Variants in RASA3 observed in about 807,000 individuals in gnomAD.
The protein encoded by RASA3 is RAS p21 protein activator 3.
A neutral mutation model predicts 110.0 loss-of-function variants in RASA3; 73 were observed. That is an observed-to-expected ratio of 0.66 (90% CI 0.55 to 0.81). The LOEUF is 0.81. Ranked by LOEUF, RASA3 falls within the 30% of genes least tolerant of loss-of-function variation. RASA3 has a pLI of 0.00. For synonymous variants in RASA3, 500 were observed against 451.4 expected, an observed-to-expected ratio of 1.11 and a Z score of -1.37; for missense variants, 976 against 1,113.2, an observed-to-expected ratio of 0.88 and a Z score of 1.75.
intron 18 of RASA3, 140 bp downstream of exon 18, chr13:114,007,393 T>A: frequency 1.5e-5 from 3 of 201,114 alleles, no homozygotes; most frequent in Non-Finnish European, 1.7e-5. Flanking sequence ...TCTCCCCTCC[T>A]GCCCTGCTGG....
chr13:114,040,602 C>T (rs1226033044), intron 4 of RASA3, among the ~76,000 whole-genome samples: 2 of 131,776 alleles, frequency 1.5e-5, no homozygotes, highest in Non-Finnish European at 3.2e-5. Context: ...AGCCCGCGCT[C>T]ACTCCGAGCA....
rs992627211 is a variant in RASA3 at position 114,132,604 on chromosome 13, C to T, written c.-115G>A. ...CCCCGAGCGCGGCCGAGGGTCCGCC[C>T]GCCTGCAAGACCGCCAGTTGGCCGA... On this transcript the variant is annotated 5_prime_UTR_variant, in exon 1 of 24. Transcript: ENST00000334062. 7.0e-6 allele frequency: 6 copies of T among 862,954 alleles called. No individual in the cohort carries two copies. The highest frequency in any genetic ancestry group is 1.8e-5 in the African/African-American group (1 of 55,712). 53.5% of individuals were successfully genotyped at this position (862,954 alleles called of 1,614,324 possible). A position where few individuals can be genotyped will look rare whatever the true frequency, so the allele number is the denominator to read the frequency against.
chr13:114,069,336 G>A (rs567553821), intron 2 of RASA3, among the ~76,000 whole-genome samples: 77 of 151,622 alleles, frequency 5.1e-4, no homozygotes, highest in African/African-American at 1.8e-3. Flanking sequence ...GCTCAGAGAT[G>A]CAGACGTGGG....
intron 23 of RASA3, among the ~76,000 whole-genome samples, chr13:113,981,435 G>A (rs563410907): frequency 1.3e-5 from 2 of 152,196 alleles, no homozygotes; most frequent in Non-Finnish European, 1.5e-5. Context: ...GAGGCAGCCC[G>A]GACGCTGGCT....
chr13:114,045,467 C>CTTG (rs1173425388), intron 3 of RASA3, among the ~76,000 whole-genome samples: 4 of 152,122 alleles, frequency 2.6e-5, no homozygotes, highest in Admixed American at 2.6e-4. Flanking sequence ...GGGGAAACAG[C>CTTG]CACAGGACAC....
chr13:114,053,505 G>A (rs549626503), intron 2 of RASA3, among the ~76,000 whole-genome samples: 4 of 152,262 alleles, frequency 2.6e-5, no homozygotes, highest in African/African-American at 9.6e-5. Flanking sequence ...AAAGATGTAA[G>A]TTATTCAAGG....
In RASA3 at chr13:114,061,785, C is replaced by T. The variant is rs146976115; in HGVS notation, c.174-9630G>A. Among the ~76,000 whole-genome samples the T allele has an allele frequency of 6.0e-4, 92 of 152,324 alleles. No individual in the cohort carries two copies. In the East Asian group the frequency reaches 0.018, roughly 29 times the overall value. On this transcript the variant is annotated intron_variant, in intron 2 of 23. Transcript: ENST00000334062. ...GCGAACTGCTCATTACAAAGCGTGG[C>T]AGGCTGCCTTCTCTCCAGAGGGTTT...
At chr13:114,118,326 C>A (rs1219883090) in intron 1 of RASA3, among the ~76,000 whole-genome samples, 1 of 152,132 alleles carries the variant, frequency 6.6e-6, no homozygotes, top group Non-Finnish European at 1.5e-5. Flanking sequence ...CAGCCAAGTG[C>A]CTGTGGGAGG....
chr13:113,980,146 CGT>C (rs748327437), intron 23 of RASA3, among the ~76,000 whole-genome samples: 155 of 142,034 alleles, frequency 1.1e-3, no homozygotes, highest in Middle Eastern at 3.9e-3. Context: ...CCTCCTGCCA[CGT>C]GTGTGCACAC....
intron 8 of RASA3, among the ~76,000 whole-genome samples, chr13:114,021,980 T>G (rs928821266): frequency 6.6e-6 from 1 of 152,062 alleles, no homozygotes; most frequent in South Asian, 2.1e-4. Flanking sequence ...CTGCTGCCAC[T>G]CTCAGCTCCA....
At chr13:114,013,288 A>G (rs2053681883) in intron 14 of RASA3, 40 bp from the exon 15 acceptor site, 1 of 1,519,480 alleles carries the variant, frequency 6.6e-7, no homozygotes, top group African/African-American at 1.4e-5. Flanking sequence ...TTCCTCGGGC[A>G]CAATGGCCTC....
intron 5 of RASA3, among the ~76,000 whole-genome samples, chr13:114,028,725 C>T (rs1316418695): frequency 1.7e-4 from 15 of 87,938 alleles, no homozygotes; most frequent in African/African-American, 5.4e-4. Context: ...GGGGCCAGGA[C>T]CTCTAAAACG....
chr13:114,067,198 C>T (rs1245256192), intron 2 of RASA3, among the ~76,000 whole-genome samples: 12 of 136,322 alleles, frequency 8.8e-5, no homozygotes, highest in African/African-American at 2.2e-4. Flanking sequence ...GGGCTGAGGA[C>T]GGGCCCCCCA....
In RASA3 at chr13:114,065,883, CTG is replaced by C. The variant is rs1288543633; in HGVS notation, c.173+7835_173+7836del. ...TATTTTGAAATGTTGGCAAATAGAG[CTG>C]TGAGTCTTCAAACGGAACCCAAAGA... On this transcript the variant is annotated intron_variant, in intron 2 of 23. Coordinates refer to ENST00000334062, the MANE Select transcript of RASA3 (RefSeq NM_007368.4). This position sits in a 1 kb window ranked among gnomAD's most constrained non-coding sequence, Gnocchi z 4.1. 6.6e-6 allele frequency among the ~76,000 whole-genome samples: 1 copy of C among 152,216 alleles called. No individual in the cohort carries two copies. Among genetic ancestry groups the C allele is most frequent in the Non-Finnish European group, 1.5e-5 (1 of 68,044 alleles).
chr13:114,128,176 C>T (rs1272386554), intron 1 of RASA3, among the ~76,000 whole-genome samples: 4 of 152,240 alleles, frequency 2.6e-5, no homozygotes, highest in Non-Finnish European at 5.9e-5. Context: ...TGCCAAGGCC[C>T]ATGTGTGGCC....
At chr13:114,124,084 G>A (rs1478647589) in intron 1 of RASA3, among the ~76,000 whole-genome samples, 1 of 152,192 alleles carries the variant, frequency 6.6e-6, no homozygotes, top group Non-Finnish European at 1.5e-5. Context: ...CCGGCACGGT[G>A]TCTCTCGGGA....
At chr13:114,091,633 T>C (rs1221134944) in intron 1 of RASA3, among the ~76,000 whole-genome samples, 1 of 151,738 alleles carries the variant, frequency 6.6e-6, no homozygotes, top group Admixed American at 6.6e-5. Flanking sequence ...TGAGGACTTT[T>C]GTGTCTGTGT....
At chr13:114,088,555 T>TTTTC (rs141354511) in intron 1 of RASA3, among the ~76,000 whole-genome samples, 136,712 of 148,118 alleles carry the variant, frequency 0.92, 63,238 homozygotes, top group Non-Finnish European at 0.99. Context: ...CCCAAATTAA[T>TTTTC]TTTTTTTTTT....
chr13:114,037,238 A>C (rs922684355), intron 4 of RASA3, among the ~76,000 whole-genome samples: 1 of 152,184 alleles, frequency 6.6e-6, no homozygotes, highest in Non-Finnish European at 1.5e-5. Context: ...TGGTTACACT[A>C]TCTACCCTGT....
Sources: gnomAD v4.1 joint callset for allele counts (sites outside exome capture counted in the v4.1 genomes callset) on GRCh38, gnomAD v4.1.1 for gene constraint, Gnocchi (gnomAD v3.1) non-coding constraint, MANE v1.5 for transcripts, NCBI Gene and HGNC (gene_info 2026-07-23, HGNC 2026-07-21) for gene names.